DMD: variants seen among roughly 807,000 people sequenced by gnomAD.
DMD encodes the protein mutant dystrophin.
DMD carries 63 observed loss-of-function variants against 330.1 expected under a neutral mutation model. That is an observed-to-expected ratio of 0.19 (90% confidence interval 0.16 to 0.24). DMD has a LOEUF of 0.24. Among genes scored for constraint, DMD ranks in the 10% least tolerant of loss-of-function variants. The pLI, the probability that DMD is intolerant of heterozygous loss-of-function variation, is 1.00. For synonymous variants in DMD, 1,223 were observed against 959.8 expected, an observed-to-expected ratio of 1.27 and a Z score of -5.07; for missense variants, 3,344 against 2,684.1, an observed-to-expected ratio of 1.25 and a Z score of -5.43.
At chrX:31,157,597 G>GT (rs1350968973) in intron 74 of DMD, among the ~76,000 whole-genome samples, 2 of 111,016 alleles carry the variant, frequency 1.8e-5, no homozygotes, top group Non-Finnish European at 3.8e-5. Context: ...GCAAAAAGCC[G>GT]TAACAGTCTC....
chrX:31,269,043 C>A (rs2051408465), intron 62 of DMD, among the ~76,000 whole-genome samples: 1 of 111,587 alleles, frequency 9.0e-6, no homozygotes, highest in African/African-American at 3.3e-5. Context: ...GATGGCAATC[C>A]TCAAAAATAC....
chrX:32,771,191 C>G (rs2073557837), intron 7 of DMD, among the ~76,000 whole-genome samples: 1 of 111,881 alleles, frequency 8.9e-6, no homozygotes, highest in Non-Finnish European at 1.9e-5. Context: ...TCCAGTGAAA[C>G]ACTTTTCAGA....
At chrX:32,118,328 G>A (rs2146721023) in intron 44 of DMD, among the ~76,000 whole-genome samples, 1 of 111,480 alleles carries the variant, frequency 9.0e-6, no homozygotes, top group East Asian at 2.8e-4. Context: ...AATCTCCTGA[G>A]CTGGCAGCTC....
intron 7 of DMD, among the ~76,000 whole-genome samples, chrX:32,774,603 C>T (rs1242477524): frequency 9.0e-6 from 1 of 111,071 alleles, no homozygotes; most frequent in Non-Finnish European, 1.9e-5. Flanking sequence ...GGGCAGGGAA[C>T]AGCCAGACAC....
intron 1 of DMD, among the ~76,000 whole-genome samples, chrX:33,274,735 CA>C (rs2148916304): frequency 8.9e-6 from 1 of 111,859 alleles, no homozygotes; most frequent in South Asian, 3.7e-4. Context: ...CTGTGTGTTT[CA>C]AACACTACTG....
intron 1 of DMD, among the ~76,000 whole-genome samples, chrX:33,048,978 A>G (rs189964147): frequency 1.2e-3 from 129 of 111,178 alleles, no homozygotes; most frequent in Middle Eastern, 4.6e-3. Flanking sequence ...TCAATCTTCC[A>G]TGATATCTAT....
Position 32,365,059 on chromosome X carries a change from A to G in DMD, c.4986T>C (p.Ala1662=), listed in dbSNP as rs2147259262. 8.3e-7 allele frequency: 1 copy of G among 1,210,921 alleles called. No individual in the cohort carries two copies. The highest frequency in any genetic ancestry group is 1.1e-6 in the Non-Finnish European group (1 of 895,187). The part of the protein sequence containing the change: ...KLSLLNSNWI[A]VTSRAEEWLN... ...ACCACTCTTCTGCTCGGGAGGTGACAGCTATCCAGTTACTATTCAGAAGAC... is the reference window on the plus strand; with the variant it reads ...ACCACTCTTCTGCTCGGGAGGTGACGGCTATCCAGTTACTATTCAGAAGAC... Residue 1662 remains alanine (A), a synonymous_variant, in exon 35 of 79, where the codon GCT becomes GCC. Coordinates refer to ENST00000357033, the MANE Select transcript of DMD (RefSeq NM_004006.3).
At chrX:32,327,204 AAAG>A (rs2097655509) in intron 41 of DMD, among the ~76,000 whole-genome samples, 2 of 110,888 alleles carry the variant, frequency 1.8e-5, no homozygotes, top group Non-Finnish European at 3.8e-5. Flanking sequence ...ACAAAAAAAA[AAAG>A]AGATAATTAA....
chrX:32,594,881 C>G (rs768780855), intron 13 of DMD, among the ~76,000 whole-genome samples: 5 of 111,675 alleles, frequency 4.5e-5, no homozygotes, highest in African/African-American at 1.3e-4. Context: ...AAGTATAGAA[C>G]TCAAGCATGG....
intron 44 of DMD, among the ~76,000 whole-genome samples, chrX:32,133,884 C>T (rs1273219804): frequency 9.0e-6 from 1 of 111,679 alleles, no homozygotes; most frequent in Non-Finnish European, 1.9e-5. Context: ...CTCTCACTTA[C>T]TTCACTCTAG....
chrX:33,302,714 A>C (rs979858045), intron 1 of DMD, among the ~76,000 whole-genome samples: 1 of 111,435 alleles, frequency 9.0e-6, no homozygotes, highest in African/African-American at 3.3e-5. Flanking sequence ...CACCCACGCT[A>C]TCTACATCTC....
chrX:32,787,677 G>A (rs899295441), intron 7 of DMD, among the ~76,000 whole-genome samples: 3 of 110,537 alleles, frequency 2.7e-5, no homozygotes, highest in African/African-American at 9.9e-5. Context: ...CGTGAATGTG[G>A]ACTCTCACCT....
intron 7 of DMD, among the ~76,000 whole-genome samples, chrX:32,804,382 C>T (rs1396766175): frequency 8.9e-6 from 1 of 112,514 alleles, no homozygotes; most frequent in Non-Finnish European, 1.9e-5. Flanking sequence ...GCAGAGCCCA[C>T]TGTAGCTCAG....
At chrX:32,540,494 A>T (rs1357764891) in intron 17 of DMD, among the ~76,000 whole-genome samples, 1 of 111,799 alleles carries the variant, frequency 8.9e-6, no homozygotes, top group Non-Finnish European at 1.9e-5. Flanking sequence ...ATTAAAGATC[A>T]TCAGGATGGT....
At chrX:31,161,824 G>A (rs1462894668) in intron 74 of DMD, among the ~76,000 whole-genome samples, 1 of 111,080 alleles carries the variant, frequency 9.0e-6, no homozygotes, top group Non-Finnish European at 1.9e-5. Flanking sequence ...CTGCTTATAG[G>A]ATAAAACCCA....
chrX:31,853,023 A>G, intron 48 of DMD, among the ~76,000 whole-genome samples: 1 of 112,226 alleles, frequency 8.9e-6, no homozygotes, highest in Non-Finnish European at 1.9e-5. Context: ...AGCTGAGATT[A>G]CAGGCATGCA....
chrX:32,520,176 A>AT (rs1280812546), intron 17 of DMD, among the ~76,000 whole-genome samples: 2 of 111,430 alleles, frequency 1.8e-5, no homozygotes, highest in Admixed American at 9.5e-5. Context: ...TCTTTCCTAC[A>AT]TTTTTTATCC....
intron 30 of DMD, among the ~76,000 whole-genome samples, chrX:32,404,303 T>A (rs1329607447): frequency 9.0e-6 from 1 of 111,633 alleles, no homozygotes; most frequent in Non-Finnish European, 1.9e-5. Flanking sequence ...GGAAGTCTGG[T>A]CTGTAGTGGA....
At chrX:32,452,959 G>A (rs760827433) in intron 26 of DMD, among the ~76,000 whole-genome samples, 10 of 110,700 alleles carry the variant, frequency 9.0e-5, no homozygotes, top group Non-Finnish European at 1.7e-4. Context: ...AATAGAATGT[G>A]TTTCCATAAA....
Sources: gnomAD v4.1 joint callset for allele counts (sites outside exome capture counted in the v4.1 genomes callset) on GRCh38, gnomAD v4.1.1 for gene constraint, MANE v1.5 for transcripts, NCBI Gene and HGNC (gene_info 2026-07-23, HGNC 2026-07-21) for gene names.